CACNB2: variants seen among roughly 807,000 people sequenced by gnomAD.
The protein encoded by CACNB2 is calcium voltage-gated channel auxiliary subunit beta 2, also known as voltage-dependent L-type calcium channel subunit beta-2.
Under a neutral mutation model 73.3 loss-of-function variants are expected in CACNB2, and 42 were observed. The ratio of observed to expected loss-of-function variants is 0.57; its 90% confidence interval spans 0.45 to 0.74. CACNB2 has a LOEUF of 0.74. Ranked by LOEUF, CACNB2 falls within the 30% of genes least tolerant of loss-of-function variation. The pLI, the probability that CACNB2 is intolerant of heterozygous loss-of-function variation, is 0.00. For missense variants in CACNB2, 940 were observed against 853.0 expected (o/e 1.10, Z -1.27); for synonymous variants, 348 against 310.3 (o/e 1.12, Z -1.28).
chr10:18,240,559 A>T (rs977194035), intron 2 of CACNB2, among the ~76,000 whole-genome samples: 1 of 152,198 alleles, frequency 6.6e-6, no homozygotes, highest in African/African-American at 2.4e-5. Flanking sequence ...TGGTTTTCTC[A>T]AAAACACCTC....
At chr10:18,520,830 T>C (rs984017253) in intron 9 of CACNB2, among the ~76,000 whole-genome samples, 2 of 152,210 alleles carry the variant, frequency 1.3e-5, no homozygotes, top group African/African-American at 4.8e-5. Flanking sequence ...ATATTCTCCT[T>C]GGTATACGTG....
Position 18,372,182 on chromosome 10 carries a change from T to G in CACNB2, c.214-29742T>G, listed in dbSNP as rs202126582. 4.1e-4 allele frequency among the ~76,000 whole-genome samples: 63 copies of G among 152,316 alleles called. No individual in the cohort carries two copies. In the East Asian group the frequency reaches 0.011, roughly 26 times the overall value. ...TGTTCACTCTGATGGTAGTTTCTTT[T>G]GCTGTGCAGAAGGTCTTTAGTTGAA... On this transcript the variant is annotated intron_variant, in intron 2 of 13. Transcript: ENST00000324631.
chr10:18,484,219 C>G (rs561098951), intron 3 of CACNB2, among the ~76,000 whole-genome samples: 1 of 152,150 alleles, frequency 6.6e-6, no homozygotes, highest in Admixed American at 6.6e-5. Flanking sequence ...CATGGTGAAA[C>G]TCCATCTGTA....
intron 2 of CACNB2, among the ~76,000 whole-genome samples, chr10:18,339,980 A>C (rs1377765498): frequency 1.3e-5 from 2 of 152,214 alleles, no homozygotes; most frequent in Non-Finnish European, 2.9e-5. Flanking sequence ...GATGGATGCA[A>C]AATGGTAAAC....
At chr10:18,338,906 T>C (rs2041122049) in intron 2 of CACNB2, among the ~76,000 whole-genome samples, 1 of 151,870 alleles carries the variant, frequency 6.6e-6, no homozygotes, top group Non-Finnish European at 1.5e-5. Context: ...GCCTAGCTAA[T>C]TTTTAAATTT....
At chr10:18,220,225 A>AGAGGGGGGG (rs2035711871) in intron 2 of CACNB2, among the ~76,000 whole-genome samples, 1 of 53,590 alleles carries the variant, frequency 1.9e-5, no homozygotes, top group Admixed American at 2.0e-4. Flanking sequence ...ATATATATAT[A>AGAGGGGGGG]TATATATAGA....
chr10:18,489,444 C>T (rs1589519408), intron 3 of CACNB2, among the ~76,000 whole-genome samples: 1 of 131,874 alleles, frequency 7.6e-6, no homozygotes, highest in Non-Finnish European at 1.6e-5. Context: ...TAAAATTTAA[C>T]TTTTTTTTTT....
chr10:18,160,819 A>T (rs1364853975), intron 2 of CACNB2, among the ~76,000 whole-genome samples: 2 of 152,178 alleles, frequency 1.3e-5, no homozygotes, highest in African/African-American at 4.8e-5. Context: ...TTGTTTCTGG[A>T]ATCTTCACAT....
At chr10:18,291,233 G>A (rs754719410) in intron 2 of CACNB2, among the ~76,000 whole-genome samples, 4 of 152,170 alleles carry the variant, frequency 2.6e-5, no homozygotes, top group Admixed American at 6.5e-5. Flanking sequence ...CTCCTAAAAT[G>A]GATGCCAACA....
At chr10:18,255,507 T>C (rs1588858663) in intron 2 of CACNB2, among the ~76,000 whole-genome samples, 1 of 152,204 alleles carries the variant, frequency 6.6e-6, no homozygotes, top group Non-Finnish European at 1.5e-5. Context: ...CAAATTGCCT[T>C]GCCCCCTGGA....
rs138488209 is a variant in CACNB2, at chr10:18,148,852, G to A, written c.121-2031G>A. Among the ~76,000 whole-genome samples the A allele has an allele frequency of 4.5e-3, 691 of 152,030 alleles. 6 individuals are homozygous for A. The highest frequency in any genetic ancestry group is 0.015 in the African/African-American group (641 of 41,468). On this transcript the variant is annotated intron_variant, in intron 1 of 13. Transcript: ENST00000324631. ...TCTACAAAAAACAAAAATTAGCCAA[G>A]CACGGCAATGTGTGCCTGTAGTTCC...
chr10:18,189,918 G>A (rs1238850741), intron 2 of CACNB2, among the ~76,000 whole-genome samples: 2 of 152,146 alleles, frequency 1.3e-5, no homozygotes, highest in African/African-American at 2.4e-5. Flanking sequence ...GTTGTTTCCC[G>A]ACACCCTGGG....
chr10:18,420,330 CAGAG>C (rs147004230), intron 3 of CACNB2, among the ~76,000 whole-genome samples: 67 of 147,440 alleles, frequency 4.5e-4, no homozygotes, highest in Admixed American at 1.5e-3. Context: ...CACACACACA[CAGAG>C]AGAGAGAGAG....
intron 3 of CACNB2, among the ~76,000 whole-genome samples, chr10:18,460,514 A>G (rs1488753002): frequency 6.6e-6 from 1 of 151,992 alleles, no homozygotes; most frequent in Non-Finnish European, 1.5e-5. Flanking sequence ...AAGCCTAGAG[A>G]TTGAGTTTAG....
chr10:18,297,210 A>G (rs1006775932), intron 2 of CACNB2, among the ~76,000 whole-genome samples: 1 of 152,044 alleles, frequency 6.6e-6, no homozygotes, highest in East Asian at 1.9e-4. Flanking sequence ...GTTTCCTTTA[A>G]TCCAGATTTT....
At chr10:18,310,309 A>T (rs1220361881) in intron 2 of CACNB2, among the ~76,000 whole-genome samples, 1 of 152,134 alleles carries the variant, frequency 6.6e-6, no homozygotes, top group Non-Finnish European at 1.5e-5. Flanking sequence ...TACAATTTAA[A>T]AAAGTGATTT....
At chr10:18,486,607 C>G (rs1372458977) in intron 3 of CACNB2, among the ~76,000 whole-genome samples, 3 of 152,202 alleles carry the variant, frequency 2.0e-5, no homozygotes, top group South Asian at 2.1e-4. Context: ...TAATATCCTT[C>G]CAGCCCTGCC....
chr10:18,441,509 T>A (rs2046409281), intron 3 of CACNB2, among the ~76,000 whole-genome samples: 2 of 152,248 alleles, frequency 1.3e-5, no homozygotes, highest in Non-Finnish European at 2.9e-5. Flanking sequence ...TTCATCTTTT[T>A]CTTTTTGTTA....
intron 2 of CACNB2, chr10:18,401,075 GA>G: frequency 1.9e-6 from 3 of 1,614,186 alleles, no homozygotes; most frequent in Non-Finnish European, 2.5e-6. Context: ...GCCAAGGGAG[GA>G]AGGCTGAAGA....
Sources: gnomAD v4.1 joint callset for allele counts (sites outside exome capture counted in the v4.1 genomes callset) on GRCh38, gnomAD v4.1.1 for gene constraint, MANE v1.5 for transcripts, NCBI Gene and HGNC (gene_info 2026-07-23, HGNC 2026-07-21) for gene names.